The following GRID1 variants were observed in gnomAD, a reference collection of about 807,000 sequenced individuals.
GRID1 encodes glutamate receptor ionotropic, delta-1.
In GRID1, 28 loss-of-function variants were observed where a neutral mutation model predicts 98.0. The ratio of observed to expected loss-of-function variants is 0.29; its 90% CI spans 0.21 to 0.39. GRID1 has a LOEUF of 0.39. Among genes scored for constraint, GRID1 ranks in the 10% least tolerant of loss-of-function variants. The pLI, the probability that GRID1 is intolerant of heterozygous loss-of-function variation, is 1.00. For synonymous variants in GRID1, 553 were observed against 538.5 expected (o/e 1.03, Z -0.37); for missense variants, 1,111 against 1,340.5 (o/e 0.83, Z 2.67).
At chr10:85,848,250 A>C (rs1843025533) in intron 8 of GRID1, among the ~76,000 whole-genome samples, 1 of 152,104 alleles carries the variant, frequency 6.6e-6, no homozygotes, top group Non-Finnish European at 1.5e-5. Flanking sequence ...GGAGCCTAAA[A>C]GAATTATTAT....
At position 85,711,954 on chromosome 10, in the gene GRID1, T is replaced by C. The variant is rs564980492; in HGVS notation, c.1997+11049A>G. 1.3e-4 allele frequency among the ~76,000 whole-genome samples: 20 copies of C among 151,850 alleles called. No homozygotes were observed. The South Asian group carries it at 3.9e-3, about 30-fold the overall frequency. On this transcript the variant is annotated intron_variant, in intron 12 of 15. Transcript: ENST00000327946. Reference sequence around the variant, plus strand: ...ACACAAATTGTTATTAAGATGTTAATTGTAGTGTCCTGTGCAACTACTAAG... The same window carrying C: ...ACACAAATTGTTATTAAGATGTTAACTGTAGTGTCCTGTGCAACTACTAAG...
intron 12 of GRID1, among the ~76,000 whole-genome samples, chr10:85,711,895 T>G (rs112268872): frequency 0.011 from 1,662 of 151,860 alleles, 30 homozygotes; most frequent in African/African-American, 0.038. Flanking sequence ...GCATAACTTT[T>G]GTATATTATT....
intron 10 of GRID1, among the ~76,000 whole-genome samples, chr10:85,727,393 C>T (rs1329686455): frequency 6.6e-6 from 1 of 152,090 alleles, no homozygotes; most frequent in Non-Finnish European, 1.5e-5. Context: ...AAGAAGAGTA[C>T]AATTTAAATA....
chr10:85,999,584 A>G (rs1349900496), intron 4 of GRID1, among the ~76,000 whole-genome samples: 1 of 152,204 alleles, frequency 6.6e-6, no homozygotes, highest in Non-Finnish European at 1.5e-5. Flanking sequence ...CTATTAGCAA[A>G]TTGAATCTAG....
At chr10:86,199,466 G>A (rs940605914) in intron 3 of GRID1, among the ~76,000 whole-genome samples, 5 of 152,164 alleles carry the variant, frequency 3.3e-5, no homozygotes. Context: ...GCTCCCCACA[G>A]CTTTGCCAAG....
chr10:85,892,205 T>TA (rs758750476), intron 5 of GRID1, among the ~76,000 whole-genome samples: 3,000 of 83,296 alleles, frequency 0.036, 88 homozygotes, highest in East Asian at 0.19. Context: ...ATCATGGAGA[T>TA]AAAAAAAAAA....
chr10:85,670,844 C>T (rs1028602161), intron 12 of GRID1, among the ~76,000 whole-genome samples: 46 of 152,216 alleles, frequency 3.0e-4, no homozygotes, highest in Admixed American at 2.4e-3. Flanking sequence ...CTTCCCTCTG[C>T]TTTGCCTATG....
chr10:85,713,573 T>G (rs751740453), intron 12 of GRID1, among the ~76,000 whole-genome samples: 3 of 150,544 alleles, frequency 2.0e-5, no homozygotes, highest in Non-Finnish European at 4.4e-5. Context: ...ATATCCCAGA[T>G]GAGCATAGAT....
intron 5 of GRID1, among the ~76,000 whole-genome samples, chr10:85,881,595 C>T (rs562368463): frequency 1.3e-5 from 2 of 152,212 alleles, no homozygotes; most frequent in East Asian, 1.9e-4. Context: ...AACTAGATCC[C>T]TTCCTTACAC....
chr10:85,723,808 T>TG (rs1351296100), intron 11 of GRID1, among the ~76,000 whole-genome samples: 1 of 152,186 alleles, frequency 6.6e-6, no homozygotes, highest in Non-Finnish European at 1.5e-5. Flanking sequence ...ACAAAGCATT[T>TG]GCCATGGTGC....
At chr10:86,295,709 G>A (rs144390624) in intron 2 of GRID1, among the ~76,000 whole-genome samples, 172 of 152,298 alleles carry the variant, frequency 1.1e-3, no homozygotes, top group Non-Finnish European at 2.1e-3. Flanking sequence ...GTTTTGCCCA[G>A]TGCTACTGCA....
Position 85,913,499 on chromosome 10 carries a change from ATATTAGC to A in GRID1, c.780+2680_780+2686del, listed in dbSNP as rs1364339285. On this transcript the variant is annotated intron_variant, in intron 5 of 15. Transcript: ENST00000327946. Reference sequence around the variant, plus strand: ...CTGGCACATAGTAGGTGATTAAGAAATATTAGCTGGCTGGGCATGGTGGCTCACGCCT... The same window carrying A: ...CTGGCACATAGTAGGTGATTAAGAAATGGCTGGGCATGGTGGCTCACGCCT... 2.6e-5 allele frequency among the ~76,000 whole-genome samples: 4 copies of A among 152,222 alleles called. No individual in the cohort carries two copies. The East Asian group carries it at 7.7e-4, about 29-fold the overall frequency.
At chr10:86,336,622 C>G (rs1255594624) in intron 2 of GRID1, among the ~76,000 whole-genome samples, 1 of 152,238 alleles carries the variant, frequency 6.6e-6, no homozygotes, top group Non-Finnish European at 1.5e-5. Flanking sequence ...GTGTCCCCAC[C>G]CAGTAGGCTC....
chr10:85,844,056 AT>A (rs1406539287), intron 8 of GRID1, among the ~76,000 whole-genome samples: 52 of 152,240 alleles, frequency 3.4e-4, no homozygotes, highest in African/African-American at 1.3e-3. Flanking sequence ...TGAGGCATCC[AT>A]TCTTCGAAAT....
rs76123849 is a variant in GRID1, at chr10:86,321,577, A to G, written c.235+42364T>C. 6.2e-3 allele frequency among the ~76,000 whole-genome samples: 950 copies of G among 152,260 alleles called. 8 individuals carry two copies. Among genetic ancestry groups the G allele is most frequent in the African/African-American group, 0.022 (906 of 41,540 alleles). On this transcript the variant is annotated intron_variant, in intron 2 of 15. Coordinates refer to ENST00000327946, the MANE Select transcript of GRID1 (RefSeq NM_017551.3). ...GATTGGAAATGGTACCACAGGGCAAAGCATATCCGGGAGAGGGCTGCCATG... is the reference window on the plus strand; with the variant it reads ...GATTGGAAATGGTACCACAGGGCAAGGCATATCCGGGAGAGGGCTGCCATG...
intron 2 of GRID1, among the ~76,000 whole-genome samples, chr10:86,333,400 C>T (rs567001977): frequency 6.6e-6 from 1 of 152,356 alleles, no homozygotes; most frequent in South Asian, 2.1e-4. Context: ...CATATCTATA[C>T]TTTCCCCACT....
At chr10:85,732,035 C>G (rs1841832203) in intron 8 of GRID1, among the ~76,000 whole-genome samples, 2 of 152,128 alleles carry the variant, frequency 1.3e-5, no homozygotes, top group Admixed American at 1.3e-4. Flanking sequence ...AAATGCTTGT[C>G]AGAGGGAAGA....
chr10:85,767,922 G>A (rs1260336127), intron 8 of GRID1, among the ~76,000 whole-genome samples: 2 of 152,180 alleles, frequency 1.3e-5, no homozygotes, highest in Non-Finnish European at 2.9e-5. Flanking sequence ...TAGACACATT[G>A]AGCCTTTACA....
intron 4 of GRID1, among the ~76,000 whole-genome samples, chr10:86,104,498 C>T (rs1844350961): frequency 6.6e-6 from 1 of 152,234 alleles, no homozygotes; most frequent in Non-Finnish European, 1.5e-5. Flanking sequence ...CAGGTGCATG[C>T]CCACCATGCT....
Sources: gnomAD v4.1 joint callset for allele counts (sites outside exome capture counted in the v4.1 genomes callset) on GRCh38, gnomAD v4.1.1 for gene constraint, MANE v1.5 for transcripts, NCBI Gene and HGNC (gene_info 2026-07-23, HGNC 2026-07-21) for gene names.